Variants in C14orf39 observed in about 807,000 individuals in gnomAD.
The protein encoded by C14orf39 is protein SIX6OS1.
A neutral mutation model predicts 85.6 loss-of-function variants in C14orf39; 66 were observed. The observed-to-expected ratio is 0.77, with a 90% CI of 0.63 to 0.95. The LOEUF is 0.95. C14orf39 is among the 40% of genes least tolerant of loss of function. C14orf39 has a pLI of 0.00. For synonymous variants in C14orf39, 242 were observed against 214.0 expected, an observed-to-expected ratio of 1.13 and a Z score of -1.14; for missense variants, 735 against 663.9, an observed-to-expected ratio of 1.11 and a Z score of -1.18.
intron 17 of C14orf39, among the ~76,000 whole-genome samples, chr14:60,441,260 T>C (rs1219343313): frequency 6.6e-6 from 1 of 152,170 alleles, no homozygotes; most frequent in Admixed American, 6.5e-5. Flanking sequence ...TGGTGTGAAA[T>C]TGAAGTTACA....
chr14:60,498,029 G>C (rs940325972), intron 2 of C14orf39, among the ~76,000 whole-genome samples: 2 of 152,190 alleles, frequency 1.3e-5, no homozygotes, highest in African/African-American at 4.8e-5. Flanking sequence ...ATGAAATTTT[G>C]TGTCACTGTA....
chr14:60,511,243 C>A lies in C14orf39; in HGVS notation c.-144+4152G>T. On this transcript the variant is annotated intron_variant, in intron 1 of 5. Coordinates refer to the C14orf39 transcript ENST00000556799. ...CCATCACGTCCAGCGACAGCGAGTG[C>A]GACATCTGAGTTGCCCATCCAGGAT... 2 of 1,613,400 alleles carry A rather than the reference C, an allele frequency of 1.2e-6. No homozygotes were observed. Among genetic ancestry groups the A allele is most frequent in the South Asian group, 1.1e-5 (1 of 91,090 alleles).
intron 5 of C14orf39, among the ~76,000 whole-genome samples, chr14:60,474,029 C>T (rs1892242928): frequency 6.6e-6 from 1 of 152,072 alleles, no homozygotes. Context: ...ATTCTTCCTA[C>T]CCATGAGCAT....
At chr14:60,504,972 C>T (rs1000142173) in intron 1 of C14orf39, among the ~76,000 whole-genome samples, 11 of 152,320 alleles carry the variant, frequency 7.2e-5, no homozygotes, top group Admixed American at 5.9e-4. Flanking sequence ...ATTTCCTCCA[C>T]TTAACAATAT....
At chr14:60,498,260 A>G (rs1893096292) in intron 2 of C14orf39, among the ~76,000 whole-genome samples, 1 of 152,256 alleles carries the variant, frequency 6.6e-6, no homozygotes, top group African/African-American at 2.4e-5. Context: ...CTATATCATT[A>G]AAACTCTTGG....
intron 11 of C14orf39, among the ~76,000 whole-genome samples, chr14:60,464,483 T>C (rs984020298): frequency 3.3e-5 from 5 of 152,176 alleles, no homozygotes; most frequent in African/African-American, 1.2e-4. Flanking sequence ...GTTTTAACTG[T>C]GTATTCAACC....
chr14:60,448,736 G>GT (rs1000619631), intron 16 of C14orf39, among the ~76,000 whole-genome samples: 6 of 152,176 alleles, frequency 3.9e-5, no homozygotes, highest in Non-Finnish European at 7.3e-5. Flanking sequence ...GCACACGTAT[G>GT]TTTTTTGTGG....
intron 16 of C14orf39, among the ~76,000 whole-genome samples, chr14:60,453,258 G>C (rs998269726): frequency 4.6e-5 from 7 of 151,950 alleles, no homozygotes; most frequent in African/African-American, 1.7e-4. Context: ...TTACACATTT[G>C]TGACTGTTAT....
chr14:60,478,242 C>T (rs915703272), intron 5 of C14orf39, 58 bp downstream of exon 5: 2 of 694,132 alleles, frequency 2.9e-6, no homozygotes, highest in East Asian at 3.3e-5. Flanking sequence ...CATTCTTACA[C>T]ACCATGTCCT....
Position 60,455,123 on chromosome 14 carries a change from G to T in C14orf39, c.1381C>A (p.Pro461Thr). ...GATTCCTTTTCTGTTTGAACTTCAG[G>T]TACTGCATTTCTATTTCTGTTACTG... is the stretch of plus-strand genomic sequence containing the variant. ...FEINRNRNAV[P>T]EVQTEKESPG... The change falls in exon 16 of 18, where the codon CCT (proline) becomes ACT (threonine). Residue 461 changes from proline to threonine, a missense_variant. Pro to Thr is a conservative substitution (Grantham distance 38). Transcript: ENST00000321731. 1 of 1,560,848 alleles carries T rather than the reference G, an allele frequency of 6.4e-7. No homozygotes were observed. The highest frequency in any genetic ancestry group is 1.4e-5 in the African/African-American group (1 of 70,868).
At position 60,496,333 on chromosome 14, in the gene C14orf39, T is replaced by C. The variant is rs1422501173; in HGVS notation, c.-9+2963A>G. On this transcript the variant is annotated intron_variant, in intron 2 of 5. Coordinates refer to the C14orf39 transcript ENST00000556799. ...TGATTCATCATACCTTGTTGCCCCA[T>C]AGTGCCTGAAGAGTCACATTTGTGT... The C allele has an allele frequency of 5.0e-5, 18 of 360,654 alleles. No individual in the cohort carries two copies. In the East Asian group the frequency reaches 1.2e-3, roughly 24 times the overall value. The allele number at this position is 360,654 out of a possible 1,614,324, so 22.3% of individuals were successfully genotyped here.
At chr14:60,492,510 A>T (rs547216730) in intron 2 of C14orf39, among the ~76,000 whole-genome samples, 1 of 152,206 alleles carries the variant, frequency 6.6e-6, no homozygotes, top group East Asian at 1.9e-4. Flanking sequence ...GCAATGGCTC[A>T]TTCCTGTAAT....
At chr14:60,489,666 C>T (rs542680187), upstream of C14orf39, among the ~76,000 whole-genome samples, 23 of 152,232 alleles carry the variant, frequency 1.5e-4, no homozygotes, top group Admixed American at 5.9e-4. Flanking sequence ...TCCTCAGAAG[C>T]GTTAAAATAT....
chr14:60,457,992 A>T (rs1891354935), intron 14 of C14orf39, among the ~76,000 whole-genome samples: 1 of 151,994 alleles, frequency 6.6e-6, no homozygotes, highest in Non-Finnish European at 1.5e-5. Context: ...TTTTAAAAAA[A>T]TTTATTGATG....
At position 60,484,980 on chromosome 14, in the gene C14orf39, A is replaced by G. The variant is rs758297178; in HGVS notation, c.50-43T>C. On this transcript the variant is annotated intron_variant, in intron 2 of 17. Coordinates refer to ENST00000321731, the MANE Select transcript of C14orf39 (RefSeq NM_174978.3). This position sits in a 1 kb window ranked among gnomAD's most constrained non-coding sequence, Gnocchi z 4.2. ...CTTGTGACTTCAATTCATTGTTAAA[A>G]TATCAAATGATCATACAAAAAGCTA... 1.5e-5 allele frequency: 23 copies of G among 1,580,746 alleles called. No homozygotes were observed. In the Admixed American group the frequency reaches 1.9e-4, roughly 13 times the overall value.
chr14:60,440,836 TG>T (rs1246768248), intron 17 of C14orf39, among the ~76,000 whole-genome samples: 1 of 152,194 alleles, frequency 6.6e-6, no homozygotes, highest in Non-Finnish European at 1.5e-5. Context: ...ATACTGAGTA[TG>T]TTCCCATTTC....
chr14:60,475,551 A>C lies in C14orf39; in HGVS notation c.323+2749T>G, dbSNP rs1430005293. 4.6e-5 allele frequency among the ~76,000 whole-genome samples: 7 copies of C among 152,278 alleles called. No homozygotes were observed. The East Asian group carries it at 1.2e-3, about 25-fold the overall frequency. On this transcript the variant is annotated intron_variant, in intron 5 of 17. Coordinates refer to ENST00000321731, the MANE Select transcript of C14orf39 (RefSeq NM_174978.3). ...CCATAACACATTAAAATTATATGAA[A>C]TTTAAACTTCAGTATCCATAAATAA... is the stretch of plus-strand genomic sequence containing the variant.
chr14:60,498,193 G>A (rs540258914), intron 2 of C14orf39, among the ~76,000 whole-genome samples: 1 of 152,154 alleles, frequency 6.6e-6, no homozygotes, highest in African/African-American at 2.4e-5. Context: ...TGTTTTCCCT[G>A]GAGTTTCTAA....
At position 60,461,598 on chromosome 14, in the gene C14orf39, A is replaced by G; in HGVS notation, c.973-5T>C. The G allele has an allele frequency of 6.5e-7, 1 of 1,532,710 alleles. No individual in the cohort carries two copies. Among genetic ancestry groups the G allele is most frequent in the Non-Finnish European group, 8.7e-7 (1 of 1,143,294 alleles). 94.9% of individuals were successfully genotyped at this position (1,532,710 alleles called of 1,614,324 possible). ...CACAGCAGAGTCATTAAATATCTGA[A>G]AGAAAGAAATTAAGCATCTGACTTG... On this transcript the variant is annotated splice_region_variant and splice_polypyrimidine_tract_variant and intron_variant, in intron 11 of 17. Transcript: ENST00000321731.
Sources: allele counts gnomAD v4.1 joint callset (sites outside exome capture counted in the v4.1 genomes callset), GRCh38; gene constraint gnomAD v4.1.1; non-coding constraint Gnocchi (gnomAD v3.1); transcripts MANE v1.5; gene names NCBI Gene and HGNC (gene_info 2026-07-23, HGNC 2026-07-21).